KLHL12: variants seen among roughly 807,000 people sequenced by gnomAD.
KLHL12 encodes the protein kelch-like protein 12.
A neutral mutation model predicts 60.8 loss-of-function variants in KLHL12; 17 were observed. That is an observed-to-expected ratio of 0.28 (90% CI 0.19 to 0.42). KLHL12 has a LOEUF of 0.42. Among genes scored for constraint, KLHL12 ranks in the 10% least tolerant of loss-of-function variants. The pLI is 1.00. For synonymous variants in KLHL12, 220 were observed against 250.9 expected (o/e 0.88, Z 1.16); for missense variants, 468 against 722.3 (o/e 0.65, Z 4.04).
chr1:202,913,113 C>G (rs1660414452), intron 4 of KLHL12, among the ~76,000 whole-genome samples: 1 of 151,562 alleles, frequency 6.6e-6, no homozygotes, highest in African/African-American at 2.4e-5. Flanking sequence ...CAAGGAACTA[C>G]TGTGTATTAC....
Position 202,897,970 on chromosome 1 carries a change from AG to A in KLHL12, c.833-1011del, listed in dbSNP as rs760272199. ...AAACCACCAGGCAACAAAAGACTAG[AG>A]TTTTAAAGGAAAAGTCTTTTTCTCT... On this transcript the variant is annotated intron_variant, in intron 6 of 11. Transcript: ENST00000367261. 5.3e-5 allele frequency among the ~76,000 whole-genome samples: 8 copies of A among 152,326 alleles called. No homozygotes were observed. The South Asian group carries it at 1.2e-3, about 24-fold the overall frequency.
At chr1:202,922,446 A>G (rs1428138476) in intron 2 of KLHL12, among the ~76,000 whole-genome samples, 13 of 151,464 alleles carry the variant, frequency 8.6e-5, no homozygotes, top group Admixed American at 3.9e-4. Context: ...AAAAAAAAAA[A>G]AGAGAGAGCG....
chr1:202,911,652 C>T (rs1322229122), intron 4 of KLHL12, among the ~76,000 whole-genome samples: 1 of 152,148 alleles, frequency 6.6e-6, no homozygotes, highest in Non-Finnish European at 1.5e-5. Flanking sequence ...TAATTGTTAT[C>T]TAATGATCTC....
chr1:202,925,501 C>T (rs1012110432), intron 1 of KLHL12, among the ~76,000 whole-genome samples: 4 of 152,170 alleles, frequency 2.6e-5, no homozygotes, highest in African/African-American at 9.7e-5. Flanking sequence ...TCTTGTAAAT[C>T]TTGACAAGGT....
rs1344332896 is a variant in KLHL12 at position 202,911,214 on chromosome 1, A to G, written c.568-11T>C. 2.5e-5 allele frequency: 41 copies of G among 1,613,680 alleles called. No individual in the cohort carries two copies. Among genetic ancestry groups the G allele is most frequent in the Non-Finnish European group, 3.2e-5 (38 of 1,179,846 alleles). ...CTCTTCAGAATCCACCTGTAAATGT[A>G]TAATTACACACCGTGGATCCTACTT... On this transcript the variant is annotated splice_polypyrimidine_tract_variant and intron_variant, in intron 4 of 11. Transcript: ENST00000367261.
intron 6 of KLHL12, among the ~76,000 whole-genome samples, chr1:202,899,832 A>T (rs7543722): frequency 0.49 from 73,362 of 149,758 alleles, 19,626 homozygotes; most frequent in Non-Finnish European, 0.6. Context: ...CAAAAAAAAA[A>T]AAAAAAAATA....
At chr1:202,927,032 C>T (rs2102467492) in intron 1 of KLHL12, 57 bp downstream of exon 1, 3 of 981,320 alleles carry the variant, frequency 3.1e-6, no homozygotes, top group South Asian at 4.7e-5. Context: ...GGGCCATAAC[C>T]CGGAGTTGAC....
intron 2 of KLHL12, among the ~76,000 whole-genome samples, chr1:202,923,126 C>A (rs1348276398): frequency 6.6e-6 from 1 of 152,216 alleles, no homozygotes; most frequent in Non-Finnish European, 1.5e-5. Context: ...ACAAAACCAT[C>A]TAGCATTTCC....
intron 4 of KLHL12, chr1:202,912,521 A>G: frequency 1.0e-6 from 1 of 984,592 alleles, no homozygotes; most frequent in Non-Finnish European, 1.6e-6. Context: ...TAATGATGGA[A>G]GCAATTTTGG....
At chr1:202,917,513 T>C (rs945423543) in intron 4 of KLHL12, among the ~76,000 whole-genome samples, 3 of 152,350 alleles carry the variant, frequency 2.0e-5, no homozygotes, top group Middle Eastern at 3.4e-3. Flanking sequence ...CCTGGCCTAC[T>C]ATTCCTTTAA....
At chr1:202,899,358 A>G (rs539995754) in intron 6 of KLHL12, among the ~76,000 whole-genome samples, 1 of 152,268 alleles carries the variant, frequency 6.6e-6, no homozygotes, top group South Asian at 2.1e-4. Flanking sequence ...AGTGATGGGT[A>G]TGGGGGATCA....
intron 3 of KLHL12, 56 bp from the exon 4 acceptor site, chr1:202,918,444 G>T: frequency 7.5e-7 from 1 of 1,337,500 alleles, no homozygotes. Context: ...TGTGATCTAG[G>T]ATATATTCTT....
At chr1:202,902,821 C>T (rs1311382976) in intron 6 of KLHL12, among the ~76,000 whole-genome samples, 1 of 152,084 alleles carries the variant, frequency 6.6e-6, no homozygotes, top group African/African-American at 2.4e-5. Flanking sequence ...AAAACCCTGT[C>T]TCTACTAAAA....
intron 4 of KLHL12, among the ~76,000 whole-genome samples, chr1:202,912,881 T>C (rs1660407940): frequency 6.6e-6 from 1 of 152,166 alleles, no homozygotes; most frequent in South Asian, 2.1e-4. Flanking sequence ...CTCATGTGTA[T>C]GGGCAAAAAA....
intron 1 of KLHL12, among the ~76,000 whole-genome samples, chr1:202,926,360 C>CTCATT (rs1345741813): frequency 1.3e-5 from 2 of 152,172 alleles, no homozygotes; most frequent in Non-Finnish European, 2.9e-5. Context: ...CACAATTAAT[C>CTCATT]TTTCAACAGG....
At chr1:202,923,319 C>G (rs975267799) in intron 2 of KLHL12, among the ~76,000 whole-genome samples, 2 of 152,216 alleles carry the variant, frequency 1.3e-5, no homozygotes, top group African/African-American at 4.8e-5. Flanking sequence ...GTGACACTCT[C>G]TTTACCCAGT....
intron 6 of KLHL12, 144 bp downstream of exon 6, chr1:202,908,866 G>C: frequency 3.5e-6 from 2 of 565,890 alleles, no homozygotes; most frequent in Non-Finnish European, 6.5e-6. Flanking sequence ...GCTTAGAGTG[G>C]TAAAGTGACT....
chr1:202,906,713 G>A (rs1430877758), intron 6 of KLHL12, among the ~76,000 whole-genome samples: 1 of 152,022 alleles, frequency 6.6e-6, no homozygotes, highest in East Asian at 1.9e-4. Flanking sequence ...CCAGGCTGGA[G>A]TACAATGGTG....
chr1:202,927,225 G>C lies in KLHL12; in HGVS notation c.-182C>G, dbSNP rs557300053. 4.1e-6 allele frequency: 4 copies of C among 984,916 alleles called. No individual in the cohort carries two copies. Among genetic ancestry groups the C allele is most frequent in the Non-Finnish European group, 4.8e-6 (4 of 829,850 alleles). 61.0% of individuals were successfully genotyped at this position (984,916 alleles called of 1,614,324 possible). On this transcript the variant is annotated 5_prime_UTR_variant, in exon 1 of 12. Transcript: ENST00000367261. ...CGGAGGCTCTGGAGGCTCTGGAGCC[G>C]TCCGGGTCTGGCCCCTGCGGCCGCG...
Sources: allele counts gnomAD v4.1 joint callset (sites outside exome capture counted in the v4.1 genomes callset), GRCh38; gene constraint gnomAD v4.1.1; transcripts MANE v1.5; gene names NCBI Gene and HGNC (gene_info 2026-07-23, HGNC 2026-07-21).